Variants in TTC28 observed in about 807,000 individuals in gnomAD.
The protein encoded by TTC28 is tetratricopeptide repeat domain 28.
A neutral mutation model predicts 198.0 loss-of-function variants in TTC28; 61 were observed. The observed-to-expected ratio is 0.31, with a 90% CI of 0.25 to 0.38. The LOEUF is 0.38. TTC28 is among the 10% of genes least tolerant of loss of function. The pLI is 1.00. For missense variants in TTC28, 2,678 were observed against 3,164.0 expected (o/e 0.85, Z 3.69); for synonymous variants, 1,171 against 1,297.8 (o/e 0.90, Z 2.10).
At chr22:28,014,206 G>T (rs898933385) in intron 14 of TTC28, 42 bp downstream of exon 14, 25 of 1,533,242 alleles carry the variant, frequency 1.6e-5, no homozygotes, top group Non-Finnish European at 1.9e-5. Flanking sequence ...TAAGCGATGT[G>T]TTCTGATGCG....
intron 12 of TTC28, among the ~76,000 whole-genome samples, chr22:28,069,041 C>T (rs1036346205): frequency 6.6e-6 from 1 of 152,078 alleles, no homozygotes; most frequent in African/African-American, 2.4e-5. Context: ...TACTCAGAGA[C>T]CAAAAGGAAG....
At chr22:28,624,786 GA>G (rs201181363) in intron 2 of TTC28, among the ~76,000 whole-genome samples, 2 of 149,100 alleles carry the variant, frequency 1.3e-5, no homozygotes, top group Non-Finnish European at 3.0e-5. Context: ...TACATCATGA[GA>G]AAAAAAAAGG....
Position 28,037,261 on chromosome 22 carries a change from A to G in TTC28, c.3933-6895T>C, listed in dbSNP as rs555458523. Among the ~76,000 whole-genome samples, 407 of 152,328 alleles carry G rather than the reference A, an allele frequency of 2.7e-3. 1 individual carries two copies. The highest frequency in any genetic ancestry group is 9.3e-3 in the African/African-American group (385 of 41,580). On this transcript the variant is annotated intron_variant, in intron 12 of 22. Coordinates refer to ENST00000397906, the MANE Select transcript of TTC28 (RefSeq NM_001145418.2). ...ATCCCTGACGACCATCGACGCAAAA[A>G]TCCTCAATAAAATACTGGCAAACCG...
intron 2 of TTC28, among the ~76,000 whole-genome samples, chr22:28,486,261 A>T (rs549496130): frequency 5.8e-4 from 88 of 152,286 alleles, no homozygotes; most frequent in Non-Finnish European, 1.2e-3. Flanking sequence ...AAAAACAGGT[A>T]TTTCCAGGGA....
Position 28,014,327 on chromosome 22 carries a change from G to A in TTC28, c.4139C>T (p.Ser1380Phe). ...TVSPTQDGTS[S>F]LPRRQSSFAK... ...AAACGAGCTCTGCCTCCTGGGAAGA[G>A]AGGAGGTCCCGTCCTGGGTCGGTGA... Residue 1380 changes from serine (S) to phenylalanine (F), a missense_variant, in exon 14 of 23, where the codon TCT (serine) becomes TTT (phenylalanine). Coordinates refer to ENST00000397906, the MANE Select transcript of TTC28 (RefSeq NM_001145418.2). The A allele has an allele frequency of 6.4e-7, 1 of 1,551,678 alleles. No homozygotes were observed. Among genetic ancestry groups the A allele is most frequent in the Non-Finnish European group, 8.7e-7 (1 of 1,146,980 alleles).
At chr22:28,166,194 A>C (rs1921921991) in intron 5 of TTC28, among the ~76,000 whole-genome samples, 1 of 152,210 alleles carries the variant, frequency 6.6e-6, no homozygotes, top group African/African-American at 2.4e-5. Context: ...AGTGGCCTAC[A>C]AAGAGACTTT....
intron 14 of TTC28, chr22:28,008,709 T>A (rs1251012218): frequency 6.6e-6 from 1 of 152,224 alleles, no homozygotes; most frequent in African/African-American, 2.4e-5. Flanking sequence ...GTTCCTTGAT[T>A]ATAGCAGCTG....
At chr22:28,060,272 G>A (rs1017726429) in intron 12 of TTC28, among the ~76,000 whole-genome samples, 6 of 151,920 alleles carry the variant, frequency 3.9e-5, no homozygotes, top group Non-Finnish European at 7.4e-5. Context: ...GACAGGCTCC[G>A]GTGTGTGATG....
intron 2 of TTC28, among the ~76,000 whole-genome samples, chr22:28,416,423 A>G (rs2047168972): frequency 6.6e-6 from 1 of 152,172 alleles, no homozygotes; most frequent in Non-Finnish European, 1.5e-5. Flanking sequence ...ATGTGATGGA[A>G]ATTATTTCAA....
intron 5 of TTC28, among the ~76,000 whole-genome samples, chr22:28,194,529 C>T (rs1299360381): frequency 1.3e-5 from 2 of 152,074 alleles, no homozygotes; most frequent in South Asian, 2.1e-4. Context: ...AATTGAGAGA[C>T]CGCTAGCAAG....
chr22:28,106,958 T>C (rs953222672), intron 7 of TTC28, 104 bp downstream of exon 7: 108 of 1,382,700 alleles, frequency 7.8e-5, no homozygotes, highest in Non-Finnish European at 1.0e-4. Context: ...TGTACGAAAA[T>C]GTTTGTAGTT....
At chr22:28,386,015 G>A (rs556535421) in intron 2 of TTC28, among the ~76,000 whole-genome samples, 8 of 151,872 alleles carry the variant, frequency 5.3e-5, no homozygotes, top group Admixed American at 1.3e-4. Context: ...GGTGGCTCAC[G>A]CCTGTAATCC....
intron 2 of TTC28, among the ~76,000 whole-genome samples, chr22:28,430,538 G>A (rs2047415313): frequency 6.6e-6 from 1 of 152,080 alleles, no homozygotes; most frequent in Non-Finnish European, 1.5e-5. Context: ...AAATGAGAAT[G>A]GCAAACATTC....
intron 2 of TTC28, among the ~76,000 whole-genome samples, chr22:28,506,082 G>A (rs1205731223): frequency 3.3e-5 from 5 of 151,944 alleles, no homozygotes; most frequent in Non-Finnish European, 7.4e-5. Flanking sequence ...CTCACTGGGC[G>A]GGACCTTCCT....
At chr22:28,325,894 G>A (rs2045522655) in intron 2 of TTC28, among the ~76,000 whole-genome samples, 1 of 152,034 alleles carries the variant, frequency 6.6e-6, no homozygotes, top group African/African-American at 2.4e-5. Flanking sequence ...ATATATTGCT[G>A]GTAGAATACA....
At chr22:28,083,610 C>T (rs2146816554) in intron 12 of TTC28, among the ~76,000 whole-genome samples, 1 of 152,356 alleles carries the variant, frequency 6.6e-6, no homozygotes, top group South Asian at 2.1e-4. Context: ...GTGATTTTTG[C>T]ATTTCCAACT....
rs73427767 is a variant in TTC28, at chr22:28,264,943, T to C, written c.933+31255A>G. ...GTATCGAATATTAGGCTGAACTATA[T>C]GAAACTACCAATATTCTATGTTTTC... On this transcript the variant is annotated intron_variant, in intron 5 of 22. Coordinates refer to ENST00000397906, the MANE Select transcript of TTC28 (RefSeq NM_001145418.2). 1.9e-3 allele frequency among the ~76,000 whole-genome samples: 289 copies of C among 152,292 alleles called. 1 individual carries two copies. The highest frequency in any genetic ancestry group is 6.3e-3 in the African/African-American group (261 of 41,558).
intron 2 of TTC28, among the ~76,000 whole-genome samples, chr22:28,435,122 A>G (rs1158805360): frequency 6.6e-6 from 1 of 152,198 alleles, no homozygotes; most frequent in African/African-American, 2.4e-5. Context: ...ATTTCACAAG[A>G]CTTCTCTAAA....
rs189777614 is a variant in TTC28, at chr22:28,543,171, C to T, written c.381+86381G>A. Among the ~76,000 whole-genome samples, 8 of 152,092 alleles carry T rather than the reference C, an allele frequency of 5.3e-5. No homozygotes were observed. The East Asian group carries it at 1.5e-3, about 29-fold the overall frequency. On this transcript the variant is annotated intron_variant, in intron 2 of 22. Transcript: ENST00000397906. ...GCAACACAGCAAGACCCCATCTCTA[C>T]AAAATAAAAAGTAACAAAAATAGCC...
Sources: gnomAD v4.1 joint callset for allele counts (sites outside exome capture counted in the v4.1 genomes callset) on GRCh38, gnomAD v4.1.1 for gene constraint, MANE v1.5 for transcripts, NCBI Gene and HGNC (gene_info 2026-07-23, HGNC 2026-07-21) for gene names.